Variants in CKAP5 observed in about 807,000 individuals in gnomAD.
The protein encoded by CKAP5 is cytoskeleton associated protein 5, also known as cytoskeleton-associated protein 5.
In CKAP5, 27 loss-of-function variants were observed where a neutral mutation model predicts 232.8. That is an observed-to-expected ratio of 0.12 (90% CI 0.09 to 0.16). The LOEUF is 0.16. Among genes scored for constraint, CKAP5 ranks in the 10% least tolerant of loss-of-function variants. CKAP5 has a pLI of 1.00. For synonymous variants in CKAP5, 785 were observed against 841.1 expected (o/e 0.93, Z 1.16); for missense variants, 1,838 against 2,424.7 (o/e 0.76, Z 5.08).
At chr11:46,790,791 C>T (rs1290409015) in intron 13 of CKAP5, among the ~76,000 whole-genome samples, 2 of 151,934 alleles carry the variant, frequency 1.3e-5, no homozygotes, top group African/African-American at 4.8e-5. Flanking sequence ...GGACCACAGG[C>T]GTGTGCTACC....
intron 13 of CKAP5, among the ~76,000 whole-genome samples, chr11:46,793,827 G>C (rs1282075879): frequency 6.6e-6 from 1 of 152,082 alleles, no homozygotes; most frequent in Non-Finnish European, 1.5e-5. Context: ...AGGAGGCTGA[G>C]AATCGCTTGA....
chr11:46,789,525 A>G (rs1243812693), intron 15 of CKAP5, among the ~76,000 whole-genome samples: 2 of 152,218 alleles, frequency 1.3e-5, no homozygotes, highest in South Asian at 2.1e-4. Context: ...GGCTGGGCAC[A>G]GTGGCTCATG....
intron 34 of CKAP5, 81 bp from the exon 35 acceptor site, chr11:46,759,124 G>A: frequency 6.5e-7 from 1 of 1,542,402 alleles, no homozygotes; most frequent in African/African-American, 1.4e-5. Context: ...TTCTCCACTA[G>A]GTCCAGGTCT....
At chr11:46,806,000 T>C (rs1012340160) in intron 8 of CKAP5, among the ~76,000 whole-genome samples, 1 of 152,138 alleles carries the variant, frequency 6.6e-6, no homozygotes, top group Non-Finnish European at 1.5e-5. Flanking sequence ...GAAAAGAAAA[T>C]GTCGTTTCAG....
intron 16 of CKAP5, among the ~76,000 whole-genome samples, chr11:46,786,345 A>T (rs2065392989): frequency 6.6e-6 from 1 of 152,204 alleles, no homozygotes; most frequent in Non-Finnish European, 1.5e-5. Context: ...AGAGCTGTGC[A>T]GCCACTGGCA....
At chr11:46,814,182 A>G (rs1428015700) in intron 4 of CKAP5, among the ~76,000 whole-genome samples, 1 of 150,542 alleles carries the variant, frequency 6.6e-6, no homozygotes, top group African/African-American at 2.4e-5. Flanking sequence ...TAAAATTTAG[A>G]CATCACTAAG....
chr11:46,843,441 T>TA (rs1202508424), intron 1 of CKAP5, among the ~76,000 whole-genome samples: 1 of 150,780 alleles, frequency 6.6e-6, no homozygotes, highest in Non-Finnish European at 1.5e-5. Flanking sequence ...ACAGTTAGAT[T>TA]AAGAGAAGGC....
intron 1 of CKAP5, among the ~76,000 whole-genome samples, chr11:46,835,739 C>G (rs1016602242): frequency 6.6e-6 from 1 of 152,032 alleles, no homozygotes; most frequent in Non-Finnish European, 1.5e-5. Flanking sequence ...ATGTAGATAC[C>G]CTTAACTCCG....
chr11:46,770,319 G>A (rs1452821243), intron 25 of CKAP5: 1 of 563,230 alleles, frequency 1.8e-6, no homozygotes, highest in Non-Finnish European at 3.1e-6. Flanking sequence ...ACCCCTGTGA[G>A]GTCAGCAGAT....
intron 38 of CKAP5, among the ~76,000 whole-genome samples, chr11:46,752,265 T>TATACATATATA (rs569021348): frequency 1.4e-5 from 2 of 145,528 alleles, no homozygotes; most frequent in Non-Finnish European, 1.5e-5. Context: ...CATATTAAGA[T>TATACATATATA]ATACATATAT....
At chr11:46,830,992 G>A (rs1318149141) in intron 1 of CKAP5, among the ~76,000 whole-genome samples, 1 of 152,192 alleles carries the variant, frequency 6.6e-6, no homozygotes, top group Admixed American at 6.5e-5. Flanking sequence ...GTGAATCTGG[G>A]AGGCGGAGCT....
chr11:46,766,691 C>T (rs373895278), intron 27 of CKAP5, among the ~76,000 whole-genome samples: 1 of 152,298 alleles, frequency 6.6e-6, no homozygotes, highest in East Asian at 1.9e-4. Context: ...AAATAATTAA[C>T]ACTCTGAATA....
intron 4 of CKAP5, among the ~76,000 whole-genome samples, chr11:46,811,642 A>G (rs1293523357): frequency 6.6e-6 from 1 of 152,006 alleles, no homozygotes; most frequent in African/African-American, 2.4e-5. Flanking sequence ...ACGCCCAGCA[A>G]ATTTTTGTAT....
intron 1 of CKAP5, among the ~76,000 whole-genome samples, chr11:46,822,475 C>T (rs1939556125): frequency 1.3e-5 from 2 of 151,874 alleles, no homozygotes; most frequent in African/African-American, 4.8e-5. Context: ...ATATGGGGGT[C>T]GGGTGTGGTG....
At chr11:46,766,183 G>T (rs2065201196) in intron 27 of CKAP5, among the ~76,000 whole-genome samples, 1 of 152,142 alleles carries the variant, frequency 6.6e-6, no homozygotes, top group Non-Finnish European at 1.5e-5. Flanking sequence ...ACTATTTCTA[G>T]TTGGCCACAA....
intron 34 of CKAP5, 67 bp from the exon 35 acceptor site, chr11:46,759,110 AC>A: frequency 6.4e-7 from 1 of 1,567,504 alleles, no homozygotes; most frequent in Non-Finnish European, 8.7e-7. Context: ...TTGGAGTTAT[AC>A]AATTCTCCAC....
chr11:46,788,623 G>T, intron 16 of CKAP5, 58 bp downstream of exon 16: 1 of 1,002,278 alleles, frequency 1.0e-6, no homozygotes, highest in Non-Finnish European at 1.6e-6. Context: ...TTACTCCATA[G>T]GATGATGTAA....
Position 46,821,126 on chromosome 11 carries a change from C to T in CKAP5, c.57+49G>A, listed in dbSNP as rs1424692044. 7.1e-6 allele frequency: 10 copies of T among 1,400,130 alleles called. No individual in the cohort carries two copies. In the African/African-American group the frequency reaches 1.3e-4, roughly 18 times the overall value. 86.7% of individuals were successfully genotyped at this position (1,400,130 alleles called of 1,614,324 possible). On this transcript the variant is annotated intron_variant, in intron 2 of 43. Coordinates refer to ENST00000529230, the MANE Select transcript of CKAP5 (RefSeq NM_001008938.4). ...TAAGTAAGATGATAGTATAACTGCTCACAAAACAAGCCAACGACACTGAAA... is the reference window on the plus strand; with the variant it reads ...TAAGTAAGATGATAGTATAACTGCTTACAAAACAAGCCAACGACACTGAAA...
At chr11:46,824,561 A>G (rs1358595497) in intron 1 of CKAP5, among the ~76,000 whole-genome samples, 2 of 152,210 alleles carry the variant, frequency 1.3e-5, no homozygotes, top group Admixed American at 6.5e-5. Context: ...ACTCAGGACC[A>G]GTCTTCCCCC....
Sources: gnomAD v4.1 joint callset for allele counts (sites outside exome capture counted in the v4.1 genomes callset) on GRCh38, gnomAD v4.1.1 for gene constraint, MANE v1.5 for transcripts, NCBI Gene and HGNC (gene_info 2026-07-23, HGNC 2026-07-21) for gene names.